Variants in VPS13A observed in about 807,000 individuals in gnomAD.
VPS13A encodes intermembrane lipid transfer protein VPS13A.
A neutral mutation model predicts 390.9 loss-of-function variants in VPS13A; 264 were observed. That is an observed-to-expected ratio of 0.68 (90% CI 0.61 to 0.75). The LOEUF is 0.75. VPS13A is among the 30% of genes least tolerant of loss of function. VPS13A has a pLI of 0.00. For synonymous variants in VPS13A, 1,231 were observed against 1,227.1 expected (o/e 1.00, Z -0.07); for missense variants, 3,409 against 3,733.9 (o/e 0.91, Z 2.27).
At chr9:77,386,543 A>G (rs1020644358) in intron 68 of VPS13A, among the ~76,000 whole-genome samples, 1 of 152,014 alleles carries the variant, frequency 6.6e-6, no homozygotes, top group Non-Finnish European at 1.5e-5. Flanking sequence ...TACCATTTTC[A>G]TGAAAAGAAA....
intron 67 of VPS13A, among the ~76,000 whole-genome samples, chr9:77,374,143 A>AT (rs1832944839): frequency 6.6e-6 from 1 of 152,026 alleles, no homozygotes; most frequent in Non-Finnish European, 1.5e-5. Flanking sequence ...TTATTATCTT[A>AT]TTTTGTTATA....
rs545261703 is a variant in VPS13A, at chr9:77,270,808, C to T, written c.2428-2472C>T. 3.5e-4 allele frequency among the ~76,000 whole-genome samples: 54 copies of T among 152,274 alleles called. 1 individual carries two copies. The highest frequency in any genetic ancestry group is 5.0e-4 in the Non-Finnish European group (34 of 68,016). ...TTTCAACATATGGTTCTGAAACAAC[C>T]GGATTTCCATGTGGAAAGTAAATTA... On this transcript the variant is annotated intron_variant, in intron 23 of 71. Coordinates refer to ENST00000360280, the MANE Select transcript of VPS13A (RefSeq NM_033305.3).
At chr9:77,336,737 C>G (rs547098246) in intron 46 of VPS13A, among the ~76,000 whole-genome samples, 6 of 149,884 alleles carry the variant, frequency 4.0e-5, no homozygotes, top group East Asian at 2.0e-4. Context: ...GAAAAATATT[C>G]TCCTCTTAAA....
intron 39 of VPS13A, among the ~76,000 whole-genome samples, 155 bp downstream of exon 39, chr9:77,316,561 C>T (rs1829400464): frequency 6.6e-6 from 1 of 151,918 alleles, no homozygotes; most frequent in Admixed American, 6.6e-5. Flanking sequence ...TATTATTTAC[C>T]AGCTTTGAAA....
intron 20 of VPS13A, among the ~76,000 whole-genome samples, chr9:77,249,840 A>G (rs1825053634): frequency 6.6e-6 from 1 of 152,222 alleles, no homozygotes; most frequent in Non-Finnish European, 1.5e-5. Flanking sequence ...TTGTAGACAT[A>G]TTATTCTTCA....
intron 16 of VPS13A, 97 bp downstream of exon 16, chr9:77,227,582 GTGTGATCTC>G: frequency 1.1e-6 from 1 of 934,810 alleles, no homozygotes; most frequent in Non-Finnish European, 1.7e-6. Flanking sequence ...GACTGCAGTG[GTGTGATCTC>G]TGCTGCCAGC....
chr9:77,344,906 A>G, intron 51 of VPS13A, 103 bp from the exon 52 acceptor site: 1 of 1,356,908 alleles, frequency 7.4e-7, no homozygotes, highest in Non-Finnish European at 1.0e-6. Context: ...AGTCATCCCA[A>G]AAATTAAATT....
chr9:77,313,903 A>T, intron 35 of VPS13A, 89 bp from the exon 36 acceptor site: 1 of 1,374,074 alleles, frequency 7.3e-7, no homozygotes, highest in Non-Finnish European at 1.0e-6. Context: ...ATACCTGTTT[A>T]ATAATTCTAT....
chr9:77,321,748 T>C lies in VPS13A; in HGVS notation c.5830+2T>C. 1 of 1,613,080 alleles carries C rather than the reference T, an allele frequency of 6.2e-7. No individual in the cohort carries two copies. The highest frequency in any genetic ancestry group is 8.5e-7 in the Non-Finnish European group (1 of 1,179,364). On this transcript the variant is annotated splice_donor_variant, in intron 44 of 71. Transcript: ENST00000360280. LOFTEE classifies it high-confidence loss of function. ...GCAAACTCTTCTTCATTCTTCTTAG[T>C]AAGTAGTTGAAAAATTACCTTCCTG...
intron 46 of VPS13A, 66 bp from the exon 47 acceptor site, chr9:77,337,189 G>A: frequency 6.9e-7 from 1 of 1,440,676 alleles, no homozygotes; most frequent in Non-Finnish European, 9.4e-7. Flanking sequence ...TTCTAAAGCT[G>A]TAATTATATA....
At chr9:77,304,629 A>G (rs911202865) in intron 34 of VPS13A, among the ~76,000 whole-genome samples, 2 of 152,224 alleles carry the variant, frequency 1.3e-5, no homozygotes, top group Non-Finnish European at 2.9e-5. Context: ...GTATTAGAAG[A>G]ATTCATAAGT....
chr9:77,321,347 A>G lies in VPS13A; in HGVS notation c.5574+20A>G, dbSNP rs776347783. ...GTCAAGGTAAGAAAAGAAATTTGAA[A>G]CTTTAAATATTGAGATACTTGTCTG... On this transcript the variant is annotated intron_variant, in intron 43 of 71. Transcript: ENST00000360280. The G allele has an allele frequency of 4.3e-5, 69 of 1,594,324 alleles. No homozygotes were observed. The East Asian group carries it at 1.5e-3, about 35-fold the overall frequency.
At chr9:77,179,287 G>A (rs561764030) in intron 1 of VPS13A, among the ~76,000 whole-genome samples, 1 of 152,120 alleles carries the variant, frequency 6.6e-6, no homozygotes, top group Admixed American at 6.5e-5. Flanking sequence ...CTTGACAAAT[G>A]CTAAGAGGCA....
At chr9:77,212,228 T>C (rs1826010790) in intron 7 of VPS13A, among the ~76,000 whole-genome samples, 1 of 152,196 alleles carries the variant, frequency 6.6e-6, no homozygotes, top group South Asian at 2.1e-4. Context: ...TTATAAACCC[T>C]TTTTAAACCG....
chr9:77,214,008 G>C (rs903439516), intron 9 of VPS13A, among the ~76,000 whole-genome samples: 1 of 151,632 alleles, frequency 6.6e-6, no homozygotes, highest in Non-Finnish European at 1.5e-5. Flanking sequence ...AGGCGTGGTG[G>C]CTCACACCTG....
At chr9:77,184,297 G>A (rs1309208635) in intron 1 of VPS13A, among the ~76,000 whole-genome samples, 1 of 152,022 alleles carries the variant, frequency 6.6e-6, no homozygotes, top group Non-Finnish European at 1.5e-5. Context: ...CATCTATTCT[G>A]CTTTGCTGAG....
rs1830732538 is a variant in VPS13A at position 77,340,069 on chromosome 9, T to G, written c.6775-109T>G. 3.8e-6 allele frequency: 5 copies of G among 1,325,368 alleles called. No individual in the cohort carries two copies. In the South Asian group the frequency reaches 4.9e-5, roughly 13 times the overall value. The allele number at this position is 1,325,368 out of a possible 1,614,324, so 82.1% of individuals were successfully genotyped here. On this transcript the variant is annotated intron_variant, in intron 48 of 71. Coordinates refer to ENST00000360280, the MANE Select transcript of VPS13A (RefSeq NM_033305.3). ...AGAATTTAATATTATAAAGGTTTAG[T>G]GCATTAACAATATAATATTTTGTTT...
intron 7 of VPS13A, among the ~76,000 whole-genome samples, chr9:77,212,449 C>G (rs1224660375): frequency 6.6e-6 from 1 of 152,008 alleles, no homozygotes; most frequent in East Asian, 1.9e-4. Context: ...ATCTCTTTAT[C>G]CATCACACCC....
At chr9:77,210,750 T>A in intron 7 of VPS13A, 75 bp downstream of exon 7, 1 of 1,453,968 alleles carries the variant, frequency 6.9e-7, no homozygotes, top group Non-Finnish European at 9.6e-7. Flanking sequence ...TATTTGTATA[T>A]GCCAGCATCA....
Sources: allele counts gnomAD v4.1 joint callset (sites outside exome capture counted in the v4.1 genomes callset), GRCh38; gene constraint gnomAD v4.1.1; transcripts MANE v1.5; gene names NCBI Gene and HGNC (gene_info 2026-07-23, HGNC 2026-07-21).